The following SHISA9 variants were observed in gnomAD, a reference collection of about 807,000 sequenced individuals.
SHISA9 encodes the protein shisa family member 9.
A neutral mutation model predicts 38.0 loss-of-function variants in SHISA9; 13 were observed. That is an observed-to-expected ratio of 0.34 (90% CI 0.22 to 0.54). The LOEUF is 0.54. SHISA9 is among the 20% of genes least tolerant of loss of function. SHISA9 has a pLI of 0.91. For missense variants in SHISA9, 538 were observed against 575.8 expected (o/e 0.93, Z 0.67); for synonymous variants, 275 against 242.0 (o/e 1.14, Z -1.27).
At chr16:13,161,201 G>A (rs994463674) in intron 2 of SHISA9, among the ~76,000 whole-genome samples, 10 of 152,162 alleles carry the variant, frequency 6.6e-5, no homozygotes, top group African/African-American at 1.7e-4. Context: ...AGAGATGTCT[G>A]TGGGAAATAG....
At chr16:13,125,983 A>G (rs2050253084) in intron 2 of SHISA9, among the ~76,000 whole-genome samples, 1 of 152,222 alleles carries the variant, frequency 6.6e-6, no homozygotes, top group Admixed American at 6.5e-5. Context: ...TTTTCTCTTA[A>G]CAATGATTAA....
intron 2 of SHISA9, among the ~76,000 whole-genome samples, chr16:13,195,338 A>G (rs766431874): frequency 6.6e-6 from 1 of 152,356 alleles, no homozygotes; most frequent in East Asian, 1.9e-4. Context: ...ATTTGGAACA[A>G]TCTGAGCAAC....
the SHISA9 span, among the ~76,000 whole-genome samples, chr16:13,371,106 T>A: frequency 6.6e-6 from 1 of 152,198 alleles, no homozygotes; most frequent in Admixed American, 6.5e-5. Context: ...GTGGTAGATT[T>A]AATTAATCCC....
At chr16:13,322,926 A>T in the SHISA9 span, among the ~76,000 whole-genome samples, 4 of 152,146 alleles carry the variant, frequency 2.6e-5, no homozygotes, top group Admixed American at 1.3e-4. Flanking sequence ...CTGTGTCTGG[A>T]TTCATGTCAC....
chr16:13,050,375 A>C (rs2073237013), intron 2 of SHISA9, among the ~76,000 whole-genome samples: 1 of 152,168 alleles, frequency 6.6e-6, no homozygotes, highest in African/African-American at 2.4e-5. Flanking sequence ...TCCGTCACCC[A>C]GGCTGGAGTG....
the SHISA9 span, among the ~76,000 whole-genome samples, chr16:13,310,933 C>T: frequency 6.6e-6 from 1 of 152,066 alleles, no homozygotes; most frequent in African/African-American, 2.4e-5. Context: ...CCACCCACCT[C>T]GGCCTCCCAA....
the SHISA9 span, among the ~76,000 whole-genome samples, chr16:13,383,348 C>T: frequency 6.6e-6 from 1 of 152,112 alleles, no homozygotes; most frequent in Admixed American, 6.5e-5. Flanking sequence ...TAATAATATG[C>T]AGATACTTAA....
chr16:13,424,686 T>C, the SHISA9 span, among the ~76,000 whole-genome samples: 1 of 152,230 alleles, frequency 6.6e-6, no homozygotes, highest in Admixed American at 6.5e-5. Context: ...AATGTCTCTG[T>C]TGCAGCTATT....
chr16:13,384,035 A>T, the SHISA9 span, among the ~76,000 whole-genome samples: 18 of 152,220 alleles, frequency 1.2e-4, no homozygotes, highest in African/African-American at 4.3e-4. Context: ...TTTTTAGAAC[A>T]TACCTATTTG....
chr16:13,467,624 C>G, the SHISA9 span, among the ~76,000 whole-genome samples: 3 of 152,214 alleles, frequency 2.0e-5, no homozygotes, highest in African/African-American at 7.2e-5. Context: ...TTGTTTCCAT[C>G]TCTCGGAAGA....
intron 2 of SHISA9, among the ~76,000 whole-genome samples, chr16:13,017,269 C>T (rs2072769642): frequency 6.6e-6 from 1 of 152,202 alleles, no homozygotes; most frequent in African/African-American, 2.4e-5. Context: ...ATCCGCCCGC[C>T]TTGGCCTCCC....
At chr16:13,103,595 G>A (rs1270108347) in intron 2 of SHISA9, among the ~76,000 whole-genome samples, 2 of 152,212 alleles carry the variant, frequency 1.3e-5, no homozygotes, top group African/African-American at 2.4e-5. Flanking sequence ...GTAAGATGAA[G>A]TCACAGTAAC....
chr16:13,423,762 A>C, the SHISA9 span, among the ~76,000 whole-genome samples: 1 of 152,132 alleles, frequency 6.6e-6, no homozygotes, highest in Non-Finnish European at 1.5e-5. Context: ...ATCCACTTCC[A>C]AACTCATTCA....
intron 1 of SHISA9, among the ~76,000 whole-genome samples, chr16:12,915,651 C>T (rs2071243956): frequency 6.6e-6 from 1 of 152,158 alleles, no homozygotes; most frequent in Non-Finnish European, 1.5e-5. Flanking sequence ...TATGAAGGCT[C>T]ATTCCTGAAG....
At chr16:13,129,419 G>A (rs944852218) in intron 2 of SHISA9, among the ~76,000 whole-genome samples, 14 of 152,274 alleles carry the variant, frequency 9.2e-5, no homozygotes, top group African/African-American at 2.6e-4. Context: ...CAGCAGACAA[G>A]GGGAGAGTGA....
chr16:13,220,191 C>G (rs924550900), intron 4 of SHISA9, among the ~76,000 whole-genome samples: 2 of 152,118 alleles, frequency 1.3e-5, no homozygotes, highest in Non-Finnish European at 2.9e-5. Context: ...TTCTTCTTAT[C>G]TCAGGTGATT....
chr16:13,520,665 C>T, the SHISA9 span, among the ~76,000 whole-genome samples: 1 of 144,138 alleles, frequency 6.9e-6, no homozygotes, highest in South Asian at 2.3e-4. Flanking sequence ...AGTCCATCAT[C>T]ACAAAGACAA....
intron 2 of SHISA9, among the ~76,000 whole-genome samples, chr16:13,190,300 A>G (rs536925031): frequency 7.0e-6 from 1 of 141,848 alleles, no homozygotes; most frequent in East Asian, 2.1e-4. Flanking sequence ...CTCATTGTTC[A>G]ATTCCCACCT....
intron 2 of SHISA9, among the ~76,000 whole-genome samples, chr16:12,956,384 G>T (rs2071835514): frequency 6.6e-6 from 1 of 152,094 alleles, no homozygotes; most frequent in African/African-American, 2.4e-5. Context: ...ATTTTTATTT[G>T]CCTGAAAGGA....
Sources: gnomAD v4.1 joint callset for allele counts (sites outside exome capture counted in the v4.1 genomes callset) on GRCh38, gnomAD v4.1.1 for gene constraint, MANE v1.5 for transcripts, NCBI Gene and HGNC (gene_info 2026-07-23, HGNC 2026-07-21) for gene names.